Variants in NFKBID observed in about 807,000 individuals in gnomAD.
NFKBID encodes the protein NF-kappa-B inhibitor delta.
NFKBID carries 26 observed loss-of-function variants against 53.4 expected under a neutral mutation model. That is an observed-to-expected ratio of 0.49 (90% confidence interval 0.36 to 0.68). NFKBID has a LOEUF of 0.68. Among genes scored for constraint, NFKBID ranks in the 30% least tolerant of loss-of-function variants. The pLI is 0.00. For missense variants in NFKBID, 493 were observed against 614.1 expected (o/e 0.80, Z 2.08); for synonymous variants, 262 against 259.8 (o/e 1.01, Z -0.08).
Position 35,898,529 on chromosome 19 carries a change from G to A in NFKBID, c.169C>T (p.Gln57Ter), listed in dbSNP as rs749904137. The A allele has an allele frequency of 1.3e-6, 2 of 1,531,510 alleles. No homozygotes were observed. Among genetic ancestry groups the A allele is most frequent in the Non-Finnish European group, 1.7e-6 (2 of 1,145,314 alleles). 94.9% of individuals were successfully genotyped at this position (1,531,510 alleles called of 1,614,324 possible). ...GGCTGCTCTGGGGGAGGGAGAAATT[G>A]TCCCTGTAGAGACAAAAGCAAAAAG... is the stretch of plus-strand genomic sequence containing the variant. The change falls in exon 3 of 12, where the codon CAA (glutamine) becomes TAA (stop). Residue 57 changes from glutamine (Q) to a stop codon, truncating the protein, a stop_gained. Transcript: ENST00000641389. LOFTEE classifies it high-confidence loss of function.
At chr19:35,894,794 G>A (rs1975014102) in intron 9 of NFKBID, among the ~76,000 whole-genome samples, 1 of 152,076 alleles carries the variant, frequency 6.6e-6, no homozygotes, top group African/African-American at 2.4e-5. Flanking sequence ...GGGAGTTCGA[G>A]ACCAGCCTGA....
At chr19:35,892,543 C>CAAAAAAAAAAAAAAAAA (rs112001334) in intron 9 of NFKBID, among the ~76,000 whole-genome samples, 1 of 112,268 alleles carries the variant, frequency 8.9e-6, no homozygotes, top group African/African-American at 3.4e-5. Flanking sequence ...GACTCCATCT[C>CAAAAAAAAAAAAAAAAA]AAAAAAAAAA....
Position 35,888,352 on chromosome 19 carries a change from G to T in NFKBID, c.*207C>A, listed in dbSNP as rs1006268618. 1.1e-5 allele frequency: 6 copies of T among 559,884 alleles called. No homozygotes were observed. In the East Asian group the frequency reaches 1.8e-4, roughly 17 times the overall value. 34.7% of individuals were successfully genotyped at this position (559,884 alleles called of 1,614,324 possible). A position where few individuals can be genotyped will look rare whatever the true frequency, so the allele number is the denominator to read the frequency against. On this transcript the variant is annotated 3_prime_UTR_variant, in exon 12 of 12. Transcript: ENST00000641389. ...TCGATTTCACAGAAATCATCAAGAG[G>T]GCTCCTTGTGGGTAGAAGAGGGGTA...
upstream of NFKBID, chr19:35,900,728 G>T: frequency 9.8e-7 from 1 of 1,019,042 alleles, no homozygotes; most frequent in Non-Finnish European, 1.3e-6. Flanking sequence ...CTGGGGTCCA[G>T]ATCTTTGCTC....
chr19:35,897,820 C>A, exon 4 of NFKBID: 1 of 1,574,074 alleles, frequency 6.4e-7, no homozygotes, highest in Non-Finnish European at 8.6e-7. Flanking sequence ...AGGTCCAGAA[C>A]CCACAGTCTC....
At chr19:35,889,049 A>G (rs1974568496) in intron 11 of NFKBID, among the ~76,000 whole-genome samples, 2 of 149,092 alleles carry the variant, frequency 1.3e-5, no homozygotes, top group Admixed American at 6.7e-5. Flanking sequence ...CGCCTCCAAA[A>G]AAAAAAAAAA....
At chr19:35,900,802 C>CTTTTCT (rs1468869093), upstream of NFKBID, 2 of 288,886 alleles carry the variant, frequency 6.9e-6, no homozygotes, top group Non-Finnish European at 1.2e-5. Context: ...GATTTCTTTT[C>CTTTTCT]TTTTCTTTTT....
Position 35,888,572 on chromosome 19 carries a change from C to T in NFKBID, c.1355G>A (p.Gly452Asp), listed in dbSNP as rs761556311. Residue 452 changes from glycine (G) to aspartate (D), a missense_variant, in exon 12 of 12, where the codon GGC becomes GAC. This residue lies in a region of NFKBID where 267 missense variants were observed against 384.6 expected (regional missense o/e 0.69). Transcript: ENST00000641389. ...TGGGTTTGAGTCCTAAGAGGACAGGCCTGGCGGCGCCACACGGCTCCTCTT... is the reference window on the plus strand; with the variant it reads ...TGGGTTTGAGTCCTAAGAGGACAGGTCTGGCGGCGCCACACGGCTCCTCTT... 14 of 1,570,128 alleles carry T rather than the reference C, an allele frequency of 8.9e-6. No individual in the cohort carries two copies. The highest frequency in any genetic ancestry group is 1.4e-5 in the African/African-American group (1 of 73,736).
At chr19:35,897,981 C>T (rs1052203019) in intron 3 of NFKBID, 125 bp from the exon 4 acceptor site, 9 of 645,116 alleles carry the variant, frequency 1.4e-5, no homozygotes, top group Non-Finnish European at 1.9e-5. Flanking sequence ...ACCAAGCTCC[C>T]GGGACCTGGA....
chr19:35,897,699 G>A (rs925136945), exon 4 of NFKBID: 2 of 1,611,642 alleles, frequency 1.2e-6, no homozygotes, highest in East Asian at 2.2e-5. Flanking sequence ...CCGAGGGTGG[G>A]TAGAAGTCAG....
In NFKBID at chr19:35,898,733, C is replaced by A. The variant is rs547150181; in HGVS notation, c.151G>T (p.Ala51Ser). 3 of 1,535,796 alleles carry A rather than the reference C, an allele frequency of 2.0e-6. No individual in the cohort carries two copies. The African/African-American group carries it at 4.1e-5, about 21-fold the overall frequency. ...CCTGGCCTCACCTGCACCCCGCCAG[C>A]GTCGGGCTGCTGCTGCTGGCGGCGC... The change falls in exon 2 of 12, where the codon GCT (alanine) becomes TCT (serine). Residue 51 changes from alanine (A) to serine (S), a missense_variant. By Grantham distance (99) the Ala-to-Ser change is moderately conservative. This residue lies in a region of NFKBID where 226 missense variants were observed against 229.5 expected (regional missense o/e 0.98). Coordinates refer to ENST00000641389, the Ensembl canonical transcript of NFKBID.
At chr19:35,888,292 G>T (rs147692591) in exon 12 of NFKBID, 13 of 481,140 alleles carry the variant, frequency 2.7e-5, no homozygotes, top group African/African-American at 2.6e-4. Flanking sequence ...AAGGACTAGG[G>T]GTGCAGGGTG....
At position 35,899,085 on chromosome 19, in the gene NFKBID, G is replaced by A. The variant is rs956483828; in HGVS notation, c.62-263C>T. ...GTCGCGGAAAGTGAGGAAGGGGGAG[G>A]AGGGCACCCCTCTGCAGCAACCACC... is the stretch of plus-strand genomic sequence containing the variant. On this transcript the variant is annotated intron_variant, in intron 1 of 11. Transcript: ENST00000641389. Among the ~76,000 whole-genome samples, 60 of 152,216 alleles carry A rather than the reference G, an allele frequency of 3.9e-4. 1 individual carries two copies. Among genetic ancestry groups the A allele is most frequent in the Non-Finnish European group, 7.4e-5 (5 of 68,006 alleles).
intron 9 of NFKBID, among the ~76,000 whole-genome samples, chr19:35,892,011 G>A (rs1455996486): frequency 6.6e-6 from 1 of 151,828 alleles, no homozygotes; most frequent in Non-Finnish European, 1.5e-5. Flanking sequence ...GCCTCCCCAA[G>A]CACTGGGATT....
chr19:35,901,685 C>A, upstream of NFKBID: 1 of 151,838 alleles, frequency 6.6e-6, no homozygotes, highest in Non-Finnish European at 1.5e-5. Context: ...CCTCCACTTG[C>A]CTCAGTCTCC....
chr19:35,897,935 G>A lies in NFKBID; in HGVS notation c.227-79C>T, dbSNP rs188132692. On this transcript the variant is annotated intron_variant, in intron 3 of 11. Coordinates refer to ENST00000641389, the Ensembl canonical transcript of NFKBID. ...CACATCCAGGGCTAGAGGGCCTGGC[G>A]TCTCCCAAGGTACTGAGAGTTAGTA... 44 of 945,566 alleles carry A rather than the reference G, an allele frequency of 4.7e-5. No individual in the cohort carries two copies. The Admixed American group carries it at 6.0e-4, about 13-fold the overall frequency. The allele number at this position is 945,566 out of a possible 1,614,324, so 58.6% of individuals were successfully genotyped here. A position where few individuals can be genotyped will look rare whatever the true frequency, so the allele number is the denominator to read the frequency against.
chr19:35,894,770 G>A (rs1335917434), intron 9 of NFKBID, among the ~76,000 whole-genome samples: 1 of 152,094 alleles, frequency 6.6e-6, no homozygotes, highest in African/African-American at 2.4e-5. Context: ...GAGGCAGGAA[G>A]ATCACCTGAG....
At chr19:35,900,023 C>A in intron 1 of NFKBID, among the ~76,000 whole-genome samples, 1 of 121,122 alleles carries the variant, frequency 8.3e-6, no homozygotes, top group Non-Finnish European at 1.7e-5. Context: ...ACCCTGAGGC[C>A]AGGCTCCGGA....
At chr19:35,891,040 A>G (rs895037445) in intron 9 of NFKBID, among the ~76,000 whole-genome samples, 1 of 152,168 alleles carries the variant, frequency 6.6e-6, no homozygotes, top group African/African-American at 2.4e-5. Context: ...CCAGTGTCTG[A>G]GAAAGAGACT....
Sources: allele counts gnomAD v4.1 joint callset (sites outside exome capture counted in the v4.1 genomes callset), GRCh38; gene constraint gnomAD v4.1.1; regional missense constraint gnomAD v4.1.1; transcripts MANE v1.5; gene names NCBI Gene and HGNC (gene_info 2026-07-23, HGNC 2026-07-21).